Variants in ENPP2 observed in about 807,000 individuals in gnomAD.
ENPP2 encodes ectonucleotide pyrophosphatase/phosphodiesterase 2.
In ENPP2, 51 loss-of-function variants were observed where a neutral mutation model predicts 120.2. The observed-to-expected ratio is 0.42, with a 90% CI of 0.34 to 0.54. The LOEUF (loss-of-function observed/expected upper bound fraction) is 0.54, where lower values mean the gene tolerates loss of function less well. Among genes scored for constraint, ENPP2 ranks in the 20% least tolerant of loss-of-function variants. ENPP2 has a pLI of 0.04. For missense variants in ENPP2, 920 were observed against 1,066.5 expected (o/e 0.86, Z 1.91); for synonymous variants, 365 against 366.4 (o/e 1.00, Z 0.04).
chr8:119,668,429 CTTTTT>C (rs5894492), intron 1 of ENPP2, among the ~76,000 whole-genome samples: 1 of 110,546 alleles, frequency 9.0e-6, no homozygotes, highest in African/African-American at 3.4e-5. Context: ...TTTTCTTTTT[CTTTTT>C]TTTTTTTTTT....
At chr8:119,635,271 T>C (rs925287277) in intron 2 of ENPP2, among the ~76,000 whole-genome samples, 5 of 152,234 alleles carry the variant, frequency 3.3e-5, no homozygotes, top group Admixed American at 2.6e-4. Context: ...TTCATTCACA[T>C]ACTTTTCAAC....
At chr8:119,646,922 G>T (rs919558432) in intron 1 of ENPP2, among the ~76,000 whole-genome samples, 1 of 151,780 alleles carries the variant, frequency 6.6e-6, no homozygotes, top group Non-Finnish European at 1.5e-5. Flanking sequence ...ACTCCGCTGT[G>T]AGCCTCCCCA....
chr8:119,605,677 A>G (rs1042690162), intron 9 of ENPP2, among the ~76,000 whole-genome samples: 23 of 149,570 alleles, frequency 1.5e-4, no homozygotes, highest in African/African-American at 5.7e-4. Flanking sequence ...CATGTTGAAT[A>G]GGCTGGTCTC....
intron 22 of ENPP2, among the ~76,000 whole-genome samples, chr8:119,567,527 A>T (rs765969373): frequency 2.6e-5 from 4 of 152,232 alleles, no homozygotes; most frequent in Non-Finnish European, 5.9e-5. Flanking sequence ...TGACTTCACC[A>T]GCATCCACAA....
chr8:119,671,667 G>A (rs937807249), intron 1 of ENPP2, among the ~76,000 whole-genome samples: 2 of 152,160 alleles, frequency 1.3e-5, no homozygotes, highest in African/African-American at 4.8e-5. Flanking sequence ...GTCCTAACTC[G>A]GTGATTTTAA....
intron 1 of ENPP2, among the ~76,000 whole-genome samples, chr8:119,671,485 C>T (rs1433601197): frequency 6.6e-6 from 1 of 152,116 alleles, no homozygotes; most frequent in East Asian, 1.9e-4. Flanking sequence ...GAATTATACT[C>T]AGCAATGAGA....
intron 14 of ENPP2, among the ~76,000 whole-genome samples, chr8:119,586,707 G>A (rs981328244): frequency 2.3e-4 from 35 of 152,122 alleles, no homozygotes; most frequent in African/African-American, 6.0e-4. Context: ...CACTAAGGTC[G>A]CTACCCAGCA....
At chr8:119,592,825 CTTTTTTTTTTTTTTT>C (rs10602946) in intron 12 of ENPP2, 179 of 93,626 alleles carry the variant, frequency 1.9e-3, no homozygotes, top group Middle Eastern at 6.6e-3. Flanking sequence ...ATCCCTTTGG[CTTTTTTTTTTTTTTT>C]TTTTTTTTTT....
At chr8:119,663,744 G>A (rs545868696) in intron 1 of ENPP2, among the ~76,000 whole-genome samples, 9 of 152,254 alleles carry the variant, frequency 5.9e-5, no homozygotes, top group East Asian at 5.8e-4. Context: ...CTGCACTCAC[G>A]GGTGCCAAGA....
chr8:119,655,071 C>A lies in ENPP2; in HGVS notation c.22-16544G>T, dbSNP rs139552075. ...GAGAGAGAAAGAAAATATTGGTATG[C>A]ACAATTTAATGTATGCCAAATACAC... On this transcript the variant is annotated intron_variant, in intron 1 of 25. Coordinates refer to the ENPP2 transcript ENST00000427067. Among the ~76,000 whole-genome samples, 209 of 152,306 alleles carry A rather than the reference C, an allele frequency of 1.4e-3. 2 individuals carry two copies. Among genetic ancestry groups the A allele is most frequent in the Non-Finnish European group, 1.7e-3 (115 of 68,034 alleles).
chr8:119,577,783 C>T (rs886793336), intron 19 of ENPP2, among the ~76,000 whole-genome samples: 9 of 152,076 alleles, frequency 5.9e-5, no homozygotes, highest in African/African-American at 2.2e-4. Flanking sequence ...CAGTGCCAGC[C>T]CAGTGTCAGT....
chr8:119,582,194 G>A (rs1467910492), intron 18 of ENPP2, among the ~76,000 whole-genome samples: 1 of 152,096 alleles, frequency 6.6e-6, no homozygotes, highest in Non-Finnish European at 1.5e-5. Flanking sequence ...TGTCTTTCAT[G>A]GTCTATACCT....
chr8:119,594,779 T>TA (rs1813772229), intron 11 of ENPP2, among the ~76,000 whole-genome samples: 2 of 152,168 alleles, frequency 1.3e-5, no homozygotes, highest in South Asian at 4.1e-4. Context: ...ATAGCTTAGC[T>TA]AACAATCACA....
intron 19 of ENPP2, among the ~76,000 whole-genome samples, chr8:119,577,961 A>G (rs1332588990): frequency 6.6e-6 from 1 of 152,216 alleles, no homozygotes; most frequent in Non-Finnish European, 1.5e-5. Flanking sequence ...ATAGCTCCTT[A>G]TAGCCCTGAG....
Position 119,607,914 on chromosome 8 carries a change from T to C in ENPP2, c.833+8A>G. 6.4e-7 allele frequency: 1 copy of C among 1,565,712 alleles called. No individual in the cohort carries two copies. The highest frequency in any genetic ancestry group is 1.4e-5 in the African/African-American group (1 of 73,568). ...TTTATAAACATTGACAAAATAAAGG[T>C]AACTTACACAGACCAAAAGAATGTT... is the stretch of plus-strand genomic sequence containing the variant. On this transcript the variant is annotated splice_region_variant and intron_variant, in intron 9 of 24. Transcript: ENST00000075322.
intron 1 of ENPP2, among the ~76,000 whole-genome samples, chr8:119,664,038 T>C (rs537048802): frequency 6.6e-6 from 1 of 152,312 alleles, no homozygotes; most frequent in South Asian, 2.1e-4. Flanking sequence ...CACAGGAGCA[T>C]AAATCAAGGA....
At chr8:119,659,258 A>T (rs372266313) in intron 1 of ENPP2, among the ~76,000 whole-genome samples, 10 of 145,516 alleles carry the variant, frequency 6.9e-5, no homozygotes, top group African/African-American at 2.5e-4. Context: ...GGGAGGTTGC[A>T]GTGAACCGAG....
intron 3 of ENPP2, among the ~76,000 whole-genome samples, chr8:119,623,717 T>G (rs887022812): frequency 6.6e-6 from 1 of 151,974 alleles, no homozygotes; most frequent in Admixed American, 6.6e-5. Context: ...CCTCTACCTT[T>G]CAGGTTCAAG....
intron 14 of ENPP2, among the ~76,000 whole-genome samples, chr8:119,586,660 C>T (rs1813135334): frequency 6.6e-6 from 1 of 151,878 alleles, no homozygotes; most frequent in East Asian, 1.9e-4. Context: ...GGGAGGAGCA[C>T]ATGGGTTTAG....
Sources: allele counts gnomAD v4.1 joint callset (sites outside exome capture counted in the v4.1 genomes callset), GRCh38; gene constraint gnomAD v4.1.1; transcripts MANE v1.5; gene names NCBI Gene and HGNC (gene_info 2026-07-23, HGNC 2026-07-21).